The following USP47 variants were observed in gnomAD, a reference collection of about 807,000 sequenced individuals.
USP47 encodes the protein ubiquitin carboxyl-terminal hydrolase 47.
Under a neutral mutation model 165.1 loss-of-function variants are expected in USP47, and 35 were observed. The ratio of observed to expected loss-of-function variants is 0.21; its 90% CI spans 0.16 to 0.28. The LOEUF (loss-of-function observed/expected upper bound fraction) is 0.28, where lower values mean the gene tolerates loss of function less well. Among genes scored for constraint, USP47 ranks in the 10% least tolerant of loss-of-function variants. The pLI, the probability that USP47 is intolerant of heterozygous loss-of-function variation, is 1.00. For missense variants in USP47, 1,277 were observed against 1,607.4 expected, an observed-to-expected ratio of 0.79 and a Z score of 3.52; for synonymous variants, 531 against 544.5, an observed-to-expected ratio of 0.98 and a Z score of 0.35.
intron 3 of USP47, among the ~76,000 whole-genome samples, chr11:11,888,124 G>C (rs1162594554): frequency 6.6e-6 from 1 of 151,842 alleles, no homozygotes; most frequent in Non-Finnish European, 1.5e-5. Flanking sequence ...AAGATGTCAA[G>C]TTAACAACCT....
intron 1 of USP47, among the ~76,000 whole-genome samples, chr11:11,851,572 T>C (rs1848730141): frequency 1.3e-5 from 2 of 152,224 alleles, no homozygotes; most frequent in African/African-American, 4.8e-5. Flanking sequence ...TATATAACCA[T>C]AGAACGATGA....
chr11:11,921,395 T>A (rs1211015232), intron 10 of USP47, among the ~76,000 whole-genome samples: 1 of 151,870 alleles, frequency 6.6e-6, no homozygotes, highest in African/African-American at 2.4e-5. Flanking sequence ...GCACATGTTT[T>A]AGGCATAGCT....
At chr11:11,855,655 G>A (rs1848997899) in intron 1 of USP47, among the ~76,000 whole-genome samples, 1 of 152,132 alleles carries the variant, frequency 6.6e-6, no homozygotes, top group South Asian at 2.1e-4. Flanking sequence ...TACAACCTCA[G>A]TGAAATTTTT....
At position 11,884,492 on chromosome 11, in the gene USP47, A is replaced by G. The variant is rs1294614924; in HGVS notation, c.269A>G (p.Lys90Arg). The G allele has an allele frequency of 5.0e-6, 8 of 1,609,560 alleles. No individual in the cohort carries two copies. Among genetic ancestry groups the G allele is most frequent in the Non-Finnish European group, 6.8e-6 (8 of 1,178,584 alleles). Residue 90 changes from lysine (K) to arginine (R), a missense_variant, in exon 3 of 28, where the codon AAG (lysine) becomes AGG (arginine). This residue lies in a region of USP47 where 181 missense variants were observed against 194.7 expected (regional missense o/e 0.93). Coordinates refer to ENST00000527733, the MANE Select transcript of USP47 (RefSeq NM_001282659.2). ...GCACCACTGGATCATACCAGTGACA[A>G]GTCACTTCTCGACGCTAATTTTGAG... ...DMAPLDHTSD[K>R]SLLDANFEPG...
intron 8 of USP47, among the ~76,000 whole-genome samples, chr11:11,915,394 C>G (rs1016108459): frequency 2.6e-5 from 4 of 152,044 alleles, no homozygotes; most frequent in Non-Finnish European, 4.4e-5. Flanking sequence ...CACAAGTTAT[C>G]CTTGCATAGG....
At chr11:11,932,893 C>G (rs1021746954) in intron 14 of USP47, 111 bp from the exon 15 acceptor site, 23 of 752,436 alleles carry the variant, frequency 3.1e-5, no homozygotes, top group Non-Finnish European at 4.8e-5. Flanking sequence ...GGAGATATAT[C>G]TCCATGAGTG....
intron 19 of USP47, among the ~76,000 whole-genome samples, chr11:11,940,889 A>G (rs1260717428): frequency 6.6e-6 from 1 of 150,698 alleles, no homozygotes; most frequent in African/African-American, 2.4e-5. Flanking sequence ...CACAGTGATT[A>G]TGTCCCCTGG....
chr11:11,884,746 T>TA, intron 3 of USP47, 166 bp downstream of exon 3: 1 of 534,836 alleles, frequency 1.9e-6, no homozygotes. Context: ...ATAACATAGT[T>TA]ACACTGGACA....
At chr11:11,842,839 CTTTTTTT>C (rs56251946) in intron 1 of USP47, among the ~76,000 whole-genome samples, 1 of 111,358 alleles carries the variant, frequency 9.0e-6, no homozygotes, top group Non-Finnish European at 1.8e-5. Flanking sequence ...GAGCTGAACT[CTTTTTTT>C]TTTTTTTTTT....
intron 11 of USP47, among the ~76,000 whole-genome samples, 156 bp downstream of exon 11, chr11:11,923,047 T>TATATATATATATATATATATATATAC (rs1853966106): frequency 4.9e-5 from 1 of 20,300 alleles, no homozygotes; most frequent in African/African-American, 2.0e-4. Flanking sequence ...TGTACATATA[T>TATATATATATATATATATATATATAC]ATATATATAT....
intron 17 of USP47, 133 bp from the exon 18 acceptor site, chr11:11,938,124 T>G: frequency 1.5e-6 from 1 of 650,570 alleles, no homozygotes; most frequent in Non-Finnish European, 2.6e-6. Context: ...TTATATTTAT[T>G]CAGTGTTGTT....
intron 1 of USP47, among the ~76,000 whole-genome samples, chr11:11,872,136 G>A (rs917023734): frequency 1.3e-5 from 2 of 152,172 alleles, no homozygotes; most frequent in African/African-American, 4.8e-5. Context: ...CAGCAGAAAG[G>A]CTAGGGGCTG....
chr11:11,926,658 C>T (rs959870239), intron 11 of USP47, among the ~76,000 whole-genome samples: 3 of 151,366 alleles, frequency 2.0e-5, no homozygotes, highest in Non-Finnish European at 4.4e-5. Flanking sequence ...CTATTTATTT[C>T]TGCTCTAATC....
intron 2 of USP47, among the ~76,000 whole-genome samples, chr11:11,880,661 T>A (rs1219577481): frequency 2.0e-5 from 3 of 152,152 alleles, no homozygotes; most frequent in Non-Finnish European, 2.9e-5. Flanking sequence ...AAGAAAAATT[T>A]CTATATTTAC....
chr11:11,899,287 C>A (rs192673920), intron 5 of USP47, among the ~76,000 whole-genome samples: 2 of 152,294 alleles, frequency 1.3e-5, no homozygotes, highest in East Asian at 3.9e-4. Context: ...ACTTGTTTAA[C>A]CATCTGTTTT....
intron 3 of USP47, among the ~76,000 whole-genome samples, chr11:11,887,968 G>A (rs1851272051): frequency 6.6e-6 from 1 of 152,158 alleles, no homozygotes. Context: ...TGACTCTTGA[G>A]TAAATAATGA....
At position 11,942,864 on chromosome 11, in the gene USP47, G is replaced by C; in HGVS notation, c.2843G>C (p.Ser948Thr). ...GATATTCTTAGCTCCAGTCATAGCA[G>C]TGATACTTTGTGCAATGCAGACAAT... is the stretch of plus-strand genomic sequence containing the variant. ...DSDILSSSHS[S>T]DTLCNADNAQ... is the part of the protein sequence containing the mutation. Residue 948 changes from serine (S) to threonine (T), a missense_variant, in exon 20 of 28, where the codon AGT becomes ACT. Transcript: ENST00000527733. 6.2e-7 allele frequency: 1 copy of C among 1,613,754 alleles called. No homozygotes were observed.
chr11:11,901,251 A>G (rs375576834), intron 5 of USP47, among the ~76,000 whole-genome samples: 1 of 152,214 alleles, frequency 6.6e-6, no homozygotes, highest in Non-Finnish European at 1.5e-5. Flanking sequence ...GAAAAGAAAA[A>G]GTCTTTTAGT....
intron 1 of USP47, among the ~76,000 whole-genome samples, chr11:11,875,341 TAGG>T (rs1337395102): frequency 3.3e-5 from 5 of 152,146 alleles, no homozygotes; most frequent in African/African-American, 1.2e-4. Context: ...AAGAAATACA[TAGG>T]AGTATTTTTT....
Sources: gnomAD v4.1 joint callset for allele counts (sites outside exome capture counted in the v4.1 genomes callset) on GRCh38, gnomAD v4.1.1 for gene constraint, gnomAD v4.1.1 regional missense constraint, MANE v1.5 for transcripts, NCBI Gene and HGNC (gene_info 2026-07-23, HGNC 2026-07-21) for gene names.